SCFD2: variants seen among roughly 807,000 people sequenced by gnomAD.
The protein encoded by SCFD2 is sec1 family domain-containing protein 2.
In SCFD2, 54 loss-of-function variants were observed where a neutral mutation model predicts 58.9. That is an observed-to-expected ratio of 0.92 (90% CI 0.74 to 1.15). The LOEUF is 1.15. Among genes scored for constraint, SCFD2 ranks in the 50% most tolerant of loss-of-function variants. The pLI is 0.00. For synonymous variants in SCFD2, 321 were observed against 335.9 expected, an observed-to-expected ratio of 0.96 and a Z score of 0.49; for missense variants, 805 against 836.6, an observed-to-expected ratio of 0.96 and a Z score of 0.47.
chr4:52,875,687 T>C (rs971279883), intron 8 of SCFD2, among the ~76,000 whole-genome samples: 84 of 151,154 alleles, frequency 5.6e-4, no homozygotes, highest in African/African-American at 1.9e-3. Context: ...GAGAAGGAAG[T>C]ATTTCTTGTT....
chr4:53,341,402 A>G (rs930130198), intron 2 of SCFD2, among the ~76,000 whole-genome samples: 5 of 152,210 alleles, frequency 3.3e-5, no homozygotes, highest in African/African-American at 1.2e-4. Flanking sequence ...AGAGAAGTTT[A>G]GAGAAAAAAG....
At position 52,883,901 on chromosome 4, in the gene SCFD2, T is replaced by C. The variant is rs138910831; in HGVS notation, c.1962+1846A>G. On this transcript the variant is annotated intron_variant, in intron 8 of 8. Transcript: ENST00000401642. Reference sequence around the variant, plus strand: ...CATAGTCAAAAACTGGCCACTCCCCTGCTCAAGAGTCTGCTGTAGCTCTCT... The same window carrying C: ...CATAGTCAAAAACTGGCCACTCCCCCGCTCAAGAGTCTGCTGTAGCTCTCT... Among the ~76,000 whole-genome samples the C allele has an allele frequency of 2.8e-3, 433 of 152,318 alleles. 2 individuals are homozygous for C. The highest frequency in any genetic ancestry group is 9.9e-3 in the African/African-American group (411 of 41,574).
chr4:53,218,065 T>G (rs1697854847), intron 4 of SCFD2, among the ~76,000 whole-genome samples: 1 of 152,234 alleles, frequency 6.6e-6, no homozygotes, highest in African/African-American at 2.4e-5. Context: ...TCTCTCTGGC[T>G]GCCCTGAACA....
At chr4:53,029,828 T>G (rs1190889610) in intron 5 of SCFD2, among the ~76,000 whole-genome samples, 1 of 152,228 alleles carries the variant, frequency 6.6e-6, no homozygotes, top group Non-Finnish European at 1.5e-5. Flanking sequence ...AAATTAATTC[T>G]AAATAGATCA....
chr4:52,988,895 A>G (rs568711864), intron 5 of SCFD2, among the ~76,000 whole-genome samples: 1 of 152,330 alleles, frequency 6.6e-6, no homozygotes, highest in Non-Finnish European at 1.5e-5. Flanking sequence ...TTTTTACTGT[A>G]AAGATATGTA....
chr4:52,912,687 G>A (rs777332536), intron 6 of SCFD2, among the ~76,000 whole-genome samples: 1 of 152,160 alleles, frequency 6.6e-6, no homozygotes, highest in Non-Finnish European at 1.5e-5. Flanking sequence ...GAGAACCTTT[G>A]GTTTCTGTCT....
chr4:53,360,682 C>T (rs1734525735), intron 1 of SCFD2, among the ~76,000 whole-genome samples: 2 of 152,236 alleles, frequency 1.3e-5, no homozygotes, highest in South Asian at 4.1e-4. Flanking sequence ...TCCTCCCTGC[C>T]AGACACCTAC....
In SCFD2 at chr4:53,065,185, C is replaced by T. The variant is rs146330680; in HGVS notation, c.1561+80148G>A. Among the ~76,000 whole-genome samples, 486 of 152,166 alleles carry T rather than the reference C, an allele frequency of 3.2e-3. 2 individuals carry two copies. Among genetic ancestry groups the T allele is most frequent in the African/African-American group, 0.011 (450 of 41,552 alleles). On this transcript the variant is annotated intron_variant, in intron 5 of 8. Coordinates refer to ENST00000401642, the MANE Select transcript of SCFD2 (RefSeq NM_152540.4). ...AGTAGAATAATAACTGCACAAATGA[C>T]AGGCATATAACTAGCAGCGGTCATA... is the stretch of plus-strand genomic sequence containing the variant.
Position 53,313,756 on chromosome 4 carries a change from T to C in SCFD2, c.1015A>G (p.Thr339Ala). Residue 339 changes from threonine (T) to alanine (A), a missense_variant, in exon 3 of 9, where the codon ACA (threonine) becomes GCA (alanine). By Grantham distance (58) the Thr-to-Ala change is moderately conservative. This residue lies in a region of SCFD2 where 633 missense variants were observed against 646.8 expected (regional missense o/e 0.98). Coordinates refer to ENST00000401642, the MANE Select transcript of SCFD2 (RefSeq NM_152540.4). ...AAAGCTTCCCATAGGGCTTTGGCTG[T>C]GGTGTCACTGCAGGAAAATCACAAA... Reference protein sequence around the residue: ...PGCLSQSSDTTAKALWEALLN... With the variant: ...PGCLSQSSDTAAKALWEALLN... The C allele has an allele frequency of 5.0e-6, 8 of 1,614,018 alleles. No homozygotes were observed. The highest frequency in any genetic ancestry group is 6.8e-6 in the Non-Finnish European group (8 of 1,179,906).
At chr4:53,153,079 G>A (rs1348290094) in intron 4 of SCFD2, among the ~76,000 whole-genome samples, 1 of 152,194 alleles carries the variant, frequency 6.6e-6, no homozygotes, top group Non-Finnish European at 1.5e-5. Context: ...GATGCAAGCT[G>A]CCAATGGCTC....
chr4:53,297,232 G>A (rs1228492169), intron 3 of SCFD2, among the ~76,000 whole-genome samples: 1 of 152,150 alleles, frequency 6.6e-6, no homozygotes, highest in Non-Finnish European at 1.5e-5. Flanking sequence ...AATATTGAAA[G>A]CAGCATGTTA....
intron 4 of SCFD2, among the ~76,000 whole-genome samples, chr4:53,266,672 T>C (rs1413968604): frequency 6.6e-6 from 1 of 152,214 alleles, no homozygotes; most frequent in Non-Finnish European, 1.5e-5. Flanking sequence ...CATAAACATA[T>C]CCACGATCCG....
At chr4:53,104,838 T>A (rs541625779) in intron 5 of SCFD2, among the ~76,000 whole-genome samples, 49 of 152,304 alleles carry the variant, frequency 3.2e-4, no homozygotes, top group African/African-American at 1.2e-3. Flanking sequence ...CATGGGGTCA[T>A]ACAGCGCAGC....
chr4:52,907,176 G>A (rs960130729), intron 7 of SCFD2, among the ~76,000 whole-genome samples: 3 of 152,206 alleles, frequency 2.0e-5, no homozygotes, highest in African/African-American at 7.2e-5. Context: ...GCAAGGAGGA[G>A]AGTTTTCAAT....
intron 4 of SCFD2, among the ~76,000 whole-genome samples, chr4:53,255,810 C>T (rs1438584596): frequency 1.3e-5 from 2 of 149,236 alleles, no homozygotes; most frequent in Non-Finnish European, 3.0e-5. Context: ...CGCCCCTCAC[C>T]TCCCGGACCG....
chr4:53,223,349 T>C (rs1729104169), intron 4 of SCFD2, among the ~76,000 whole-genome samples: 1 of 152,234 alleles, frequency 6.6e-6, no homozygotes, highest in Admixed American at 6.5e-5. Context: ...TTTTGTTTGC[T>C]GTAACTCTGA....
intron 5 of SCFD2, among the ~76,000 whole-genome samples, chr4:52,974,311 C>A (rs1721193764): frequency 6.6e-6 from 1 of 152,174 alleles, no homozygotes; most frequent in African/African-American, 2.4e-5. Context: ...TGATAAGCAA[C>A]TTCAGCAAAG....
intron 8 of SCFD2, among the ~76,000 whole-genome samples, chr4:52,878,898 A>G (rs141167654): frequency 2.0e-5 from 3 of 152,312 alleles, no homozygotes; most frequent in Non-Finnish European, 4.4e-5. Context: ...TCAGAGGTAC[A>G]TAGAACCTAA....
intron 5 of SCFD2, among the ~76,000 whole-genome samples, chr4:52,958,984 A>C (rs1416645432): frequency 2.0e-5 from 3 of 152,100 alleles, no homozygotes; most frequent in Admixed American, 2.0e-4. Context: ...ACTCTTGACA[A>C]TTGGTATTAT....
Sources: gnomAD v4.1 joint callset for allele counts (sites outside exome capture counted in the v4.1 genomes callset) on GRCh38, gnomAD v4.1.1 for gene constraint, gnomAD v4.1.1 regional missense constraint, MANE v1.5 for transcripts, NCBI Gene and HGNC (gene_info 2026-07-23, HGNC 2026-07-21) for gene names.